Variants in KCNQ2 observed in about 807,000 individuals in gnomAD.
The protein encoded by KCNQ2 is potassium voltage-gated channel subfamily Q member 2, also known as potassium voltage-gated channel subfamily KQT member 2.
A neutral mutation model predicts 84.8 loss-of-function variants in KCNQ2; 14 were observed. The observed-to-expected ratio is 0.17, with a 90% confidence interval of 0.11 to 0.26. The LOEUF (loss-of-function observed/expected upper bound fraction) is 0.26. KCNQ2 is among the 10% of genes least tolerant of loss of function. The pLI is 1.00. For missense variants in KCNQ2, 788 were observed against 1,254.0 expected, an observed-to-expected ratio of 0.63 and a Z score of 5.61; for synonymous variants, 599 against 554.1, an observed-to-expected ratio of 1.08 and a Z score of -1.14.
intron 15 of KCNQ2, chr20:63,412,197 G>A (rs755899231): frequency 5.8e-4 from 173 of 296,022 alleles, no homozygotes; most frequent in Non-Finnish European, 9.7e-4. Context: ...AGGCCGCGGC[G>A]GGGCAACGGG....
chr20:63,422,101 A>G (rs1480427960), intron 11 of KCNQ2, among the ~76,000 whole-genome samples: 2 of 152,046 alleles, frequency 1.3e-5, no homozygotes, highest in Non-Finnish European at 2.9e-5. Context: ...TGCGGGCTCC[A>G]CCTCCAAAGG....
chr20:63,452,762 C>T (rs1159894490), intron 1 of KCNQ2, among the ~76,000 whole-genome samples: 1 of 152,148 alleles, frequency 6.6e-6, no homozygotes, highest in Non-Finnish European at 1.5e-5. Flanking sequence ...CAGGTCCAGG[C>T]CACACACCTG....
intron 7 of KCNQ2, among the ~76,000 whole-genome samples, chr20:63,437,986 T>A (rs1369337903): frequency 6.6e-6 from 1 of 152,120 alleles, no homozygotes; most frequent in Non-Finnish European, 1.5e-5. Flanking sequence ...ATTTTTGTAT[T>A]TTTAGGAGAG....
intron 11 of KCNQ2, 134 bp downstream of exon 11, chr20:63,424,043 C>T (rs895722810): frequency 4.1e-6 from 4 of 985,436 alleles, no homozygotes; most frequent in South Asian, 3.0e-5. Flanking sequence ...GGTCTGGACC[C>T]GCAGTCACAC....
intron 1 of KCNQ2, among the ~76,000 whole-genome samples, chr20:63,452,906 C>A (rs1382659761): frequency 6.6e-6 from 1 of 152,178 alleles, no homozygotes; most frequent in Non-Finnish European, 1.5e-5. Flanking sequence ...GGAGCTCCAG[C>A]TGCAGGGGCA....
At chr20:63,459,895 G>A (rs1308848400) in intron 1 of KCNQ2, 2 of 152,140 alleles carry the variant, frequency 1.3e-5, no homozygotes, top group African/African-American at 2.4e-5. Flanking sequence ...TTTGGGTGGG[G>A]AGAGTTAACA....
chr20:63,421,953 G>A (rs1233912061), intron 11 of KCNQ2, among the ~76,000 whole-genome samples: 2 of 152,200 alleles, frequency 1.3e-5, no homozygotes, highest in African/African-American at 2.4e-5. Flanking sequence ...GCCCCCGCCA[G>A]CCGGGTCGCC....
At position 63,438,279 on chromosome 20, in the gene KCNQ2, T is replaced by C; in HGVS notation, c.1023+346A>G. ...CAGACGAGGTCAGGCACTGACTCAC[T>C]GCAGTGTGTGGGCTCTAGGAGCCTT... is the stretch of plus-strand genomic sequence containing the variant. On this transcript the variant is annotated intron_variant, in intron 7 of 16. Coordinates refer to ENST00000359125, the MANE Select transcript of KCNQ2 (RefSeq NM_172107.4). This position sits in a 1 kb window ranked among gnomAD's most constrained non-coding sequence, Gnocchi z 5.1. The C allele has an allele frequency of 2.4e-6, 1 of 424,384 alleles. No individual in the cohort carries two copies. The highest frequency in any genetic ancestry group is 4.4e-6 in the Non-Finnish European group (1 of 225,352). 26.3% of individuals were successfully genotyped at this position (424,384 alleles called of 1,614,324 possible).
chr20:63,418,949 A>G (rs533040221), intron 12 of KCNQ2, among the ~76,000 whole-genome samples: 27 of 152,258 alleles, frequency 1.8e-4, no homozygotes, highest in Admixed American at 9.8e-4. Context: ...AGCCACCTCC[A>G]CCTTGCTGGG....
intron 11 of KCNQ2, among the ~76,000 whole-genome samples, chr20:63,421,771 G>C (rs866853627): frequency 1.2e-4 from 18 of 152,258 alleles, no homozygotes; most frequent in Middle Eastern, 6.8e-3. Flanking sequence ...CAGTGAGATG[G>C]GGTGTCGGAC....
chr20:63,443,030 T>C (rs2081266376), intron 4 of KCNQ2, among the ~76,000 whole-genome samples: 3 of 9,826 alleles, frequency 3.1e-4, no homozygotes, highest in Non-Finnish European at 3.8e-4. Flanking sequence ...CACCATCACA[T>C]CACCACCACC....
intron 11 of KCNQ2, among the ~76,000 whole-genome samples, chr20:63,420,102 C>A (rs6122118): frequency 6.6e-6 from 1 of 152,168 alleles, no homozygotes; most frequent in East Asian, 1.9e-4. Flanking sequence ...GCAGTTGTCC[C>A]GCTTTGCAAA....
chr20:63,467,555 GCC>G (rs150082418), intron 1 of KCNQ2, among the ~76,000 whole-genome samples: 10,109 of 152,272 alleles, frequency 0.066, 616 homozygotes, highest in African/African-American at 0.16. Flanking sequence ...GCAGAGGCTA[GCC>G]CCGTGCTCTT....
At chr20:63,409,383 A>G (rs1306412290) in intron 15 of KCNQ2, among the ~76,000 whole-genome samples, 1 of 152,244 alleles carries the variant, frequency 6.6e-6, no homozygotes, top group Non-Finnish European at 1.5e-5. Context: ...CAGGTCACTC[A>G]TGACAATAAG....
Position 63,446,872 on chromosome 20 carries a change from G to A in KCNQ2, c.297-35C>T, listed in dbSNP as rs758166249. ...GGGAACGCGCGCTCTCAGACAGGCC[G>A]CAGCAGGGCAGCAGCATGGCTGTGT... On this transcript the variant is annotated intron_variant, in intron 1 of 16. Transcript: ENST00000359125. The surrounding 1 kb of genome is among the most constrained non-coding windows in gnomAD (Gnocchi z 5.5). 5.2e-6 allele frequency: 8 copies of A among 1,552,444 alleles called. No homozygotes were observed. Among genetic ancestry groups the A allele is most frequent in the Admixed American group, 1.7e-5 (1 of 59,926 alleles).
chr20:63,417,989 C>T (rs952489520), intron 12 of KCNQ2, among the ~76,000 whole-genome samples: 2 of 152,188 alleles, frequency 1.3e-5, no homozygotes, highest in Non-Finnish European at 2.9e-5. Context: ...CTCAGATCTG[C>T]GAGGGAGGCT....
At chr20:63,442,354 G>A in intron 5 of KCNQ2, 52 bp downstream of exon 5, 3 of 1,613,258 alleles carry the variant, frequency 1.9e-6, no homozygotes, top group Non-Finnish European at 2.5e-6. Flanking sequence ...CCCAGCACAG[G>A]GACAGGGGTG....
At chr20:63,466,432 C>G (rs2082084356) in intron 1 of KCNQ2, 1 of 152,278 alleles carries the variant, frequency 6.6e-6, no homozygotes, top group Non-Finnish European at 1.5e-5. Context: ...CAGCCGCTGA[C>G]CAATGGGACT....
chr20:63,428,816 C>T (rs1251948842), intron 9 of KCNQ2, among the ~76,000 whole-genome samples: 2 of 152,088 alleles, frequency 1.3e-5, no homozygotes, highest in African/African-American at 2.4e-5. Context: ...AGGGACAGCA[C>T]GCGAATATAT....
Sources: gnomAD v4.1 joint callset for allele counts (sites outside exome capture counted in the v4.1 genomes callset) on GRCh38, gnomAD v4.1.1 for gene constraint, Gnocchi (gnomAD v3.1) non-coding constraint, MANE v1.5 for transcripts, NCBI Gene and HGNC (gene_info 2026-07-23, HGNC 2026-07-21) for gene names.